Variants in PLCB1 observed in about 807,000 individuals in gnomAD.
PLCB1 encodes the protein phospholipase C beta 1.
PLCB1 carries 46 observed loss-of-function variants against 161.8 expected under a neutral mutation model. The observed-to-expected ratio is 0.28, with a 90% confidence interval of 0.22 to 0.36. The LOEUF is 0.36. Ranked by LOEUF, PLCB1 falls within the 10% of genes least tolerant of loss-of-function variation. The pLI, the probability that PLCB1 is intolerant of heterozygous loss-of-function variation, is 1.00. For synonymous variants in PLCB1, 517 were observed against 503.7 expected (o/e 1.03, Z -0.35); for missense variants, 1,016 against 1,472.5 (o/e 0.69, Z 5.07).
At chr20:8,336,197 T>G (rs937699014) in intron 2 of PLCB1, among the ~76,000 whole-genome samples, 1 of 152,190 alleles carries the variant, frequency 6.6e-6, no homozygotes, top group Non-Finnish European at 1.5e-5. Context: ...AAACAACACA[T>G]TTAAAAATTG....
intron 3 of PLCB1, among the ~76,000 whole-genome samples, chr20:8,446,977 A>G (rs1268311919): frequency 6.6e-6 from 1 of 152,214 alleles, no homozygotes; most frequent in African/African-American, 2.4e-5. Flanking sequence ...GGACTCGGTG[A>G]TCTGGAATTC....
At position 8,535,338 on chromosome 20, in the gene PLCB1, GT is replaced by G. The variant is rs756737792; in HGVS notation, c.247-92955del. 1.5e-4 allele frequency among the ~76,000 whole-genome samples: 22 copies of G among 151,022 alleles called. No individual in the cohort carries two copies. In the East Asian group the frequency reaches 4.3e-3, roughly 30 times the overall value. On this transcript the variant is annotated intron_variant, in intron 3 of 31. Transcript: ENST00000338037. ...TTATATATTAAACATATCTACATCT[GT>G]AGTAAAATGTGTTGTCCTACATTTC...
chr20:8,408,827 G>A (rs1182144554), intron 3 of PLCB1, among the ~76,000 whole-genome samples: 2 of 152,088 alleles, frequency 1.3e-5, no homozygotes, highest in South Asian at 2.1e-4. Context: ...TTCTGCCCAC[G>A]CCACAAATAT....
chr20:8,632,059 T>TTG (rs1988615690), intron 4 of PLCB1, among the ~76,000 whole-genome samples: 2 of 114,704 alleles, frequency 1.7e-5, no homozygotes, highest in African/African-American at 6.0e-5. Flanking sequence ...TTTTTTTTTT[T>TTG]TTTTTTTTGC....
At chr20:8,861,905 T>C (rs529972549) in intron 31 of PLCB1, among the ~76,000 whole-genome samples, 9 of 152,274 alleles carry the variant, frequency 5.9e-5, no homozygotes, top group African/African-American at 1.9e-4. Flanking sequence ...CATTGATTTA[T>C]TGGAACTTGA....
chr20:8,227,115 G>A (rs1032762173), intron 2 of PLCB1, among the ~76,000 whole-genome samples: 4 of 152,000 alleles, frequency 2.6e-5, no homozygotes, highest in Non-Finnish European at 5.9e-5. Context: ...TTTTTGGGAA[G>A]GAATGGGTAC....
At chr20:8,512,221 C>T (rs1220133977) in intron 3 of PLCB1, among the ~76,000 whole-genome samples, 1 of 152,152 alleles carries the variant, frequency 6.6e-6, no homozygotes, top group East Asian at 1.9e-4. Flanking sequence ...TTAGTACGTT[C>T]TGATTCATTG....
intron 2 of PLCB1, among the ~76,000 whole-genome samples, chr20:8,284,167 T>C (rs944833099): frequency 1.3e-5 from 2 of 152,100 alleles, no homozygotes; most frequent in African/African-American, 4.8e-5. Context: ...TTACTGCTAG[T>C]CTTTTCTTCT....
At chr20:8,637,925 G>T (rs193274673) in intron 4 of PLCB1, among the ~76,000 whole-genome samples, 1 of 152,128 alleles carries the variant, frequency 6.6e-6, no homozygotes, top group Non-Finnish European at 1.5e-5. Context: ...ACGGAGTCTC[G>T]CTCTGTCGCC....
intron 3 of PLCB1, among the ~76,000 whole-genome samples, chr20:8,514,646 A>G (rs1195051857): frequency 1.3e-5 from 2 of 152,142 alleles, no homozygotes; most frequent in Non-Finnish European, 2.9e-5. Flanking sequence ...TGTGCCCCAT[A>G]GAGTAAAGCC....
At position 8,774,539 on chromosome 20, in the gene PLCB1, A is replaced by G; in HGVS notation, c.2931A>G (p.Lys977=). Residue 977 remains lysine, a splice_region_variant and synonymous_variant, in exon 27 of 32, where the codon AAA becomes AAG. Coordinates refer to ENST00000338037, the MANE Select transcript of PLCB1 (RefSeq NM_015192.4). ...TGAGTCAAACTCTGTGTCTTTGCAG[A>G]TCGGAACCCAGCAGCCCTGATCATG... The part of the protein sequence containing the change: ...EKSAKKDSKK[K]SEPSSPDHGS... 3 of 1,605,924 alleles carry G rather than the reference A, an allele frequency of 1.9e-6. No homozygotes were observed. The highest frequency in any genetic ancestry group is 1.3e-5 in the African/African-American group (1 of 74,950).
chr20:8,266,723 C>A (rs1981973900), intron 2 of PLCB1, among the ~76,000 whole-genome samples: 1 of 152,200 alleles, frequency 6.6e-6, no homozygotes, highest in South Asian at 2.1e-4. Context: ...CCCTACCTAT[C>A]ATCTCATCTG....
chr20:8,605,385 A>G (rs1987725994), intron 3 of PLCB1, among the ~76,000 whole-genome samples: 1 of 152,038 alleles, frequency 6.6e-6, no homozygotes, highest in Admixed American at 6.6e-5. Flanking sequence ...TCACTTGATT[A>G]ATTTTGAATT....
At chr20:8,719,958 C>T (rs982182281) in intron 14 of PLCB1, among the ~76,000 whole-genome samples, 8 of 152,012 alleles carry the variant, frequency 5.3e-5, no homozygotes, top group East Asian at 3.9e-4. Context: ...TATCAACAGA[C>T]GTTATATAAT....
chr20:8,361,455 A>C (rs1986539012), intron 2 of PLCB1, among the ~76,000 whole-genome samples: 1 of 152,066 alleles, frequency 6.6e-6, no homozygotes. Flanking sequence ...AATCACTGGG[A>C]GGTGAATCAC....
At chr20:8,548,536 T>G (rs1011444398) in intron 3 of PLCB1, among the ~76,000 whole-genome samples, 3 of 151,914 alleles carry the variant, frequency 2.0e-5, no homozygotes, top group African/African-American at 7.3e-5. Context: ...TCTCTTTCTT[T>G]TCTTCTTTCT....
At chr20:8,478,130 A>C (rs908481716) in intron 3 of PLCB1, among the ~76,000 whole-genome samples, 5 of 152,356 alleles carry the variant, frequency 3.3e-5, no homozygotes, top group African/African-American at 1.2e-4. Flanking sequence ...AGCATTCTTT[A>C]TCACTGGCTG....
At chr20:8,574,224 C>A (rs1349922711) in intron 3 of PLCB1, among the ~76,000 whole-genome samples, 1 of 152,108 alleles carries the variant, frequency 6.6e-6, no homozygotes, top group Non-Finnish European at 1.5e-5. Context: ...ATGGGTGAAA[C>A]CCCATCTCTA....
rs190094237 is a variant in PLCB1 at position 8,419,418 on chromosome 20, T to A, written c.246+47968T>A. 2.6e-3 allele frequency among the ~76,000 whole-genome samples: 389 copies of A among 152,178 alleles called. 2 individuals carry two copies. The highest frequency in any genetic ancestry group is 4.4e-3 in the Non-Finnish European group (297 of 68,028). ...TTCCAGAATTTACAATGGTTTGTGT[T>A]ATGATTTTTTTTAATTTTACAGTGG... is the stretch of plus-strand genomic sequence containing the variant. On this transcript the variant is annotated intron_variant, in intron 3 of 31. Coordinates refer to ENST00000338037, the MANE Select transcript of PLCB1 (RefSeq NM_015192.4).
Sources: allele counts gnomAD v4.1 joint callset (sites outside exome capture counted in the v4.1 genomes callset), GRCh38; gene constraint gnomAD v4.1.1; transcripts MANE v1.5; gene names NCBI Gene and HGNC (gene_info 2026-07-23, HGNC 2026-07-21).